SCML4: variants seen among roughly 807,000 people sequenced by gnomAD.
The protein encoded by SCML4 is sex comb on midleg-like protein 4.
SCML4 carries 34 observed loss-of-function variants against 41.1 expected under a neutral mutation model. The ratio of observed to expected loss-of-function variants is 0.83; its 90% CI spans 0.63 to 1.10. The LOEUF (loss-of-function observed/expected upper bound fraction) is 1.10, where lower values mean the gene tolerates loss of function less well. Ranked by LOEUF, SCML4 falls within the 50% of genes least tolerant of loss-of-function variation. The probability of loss-of-function intolerance (pLI) is 0.00; values close to 1 mark genes in which losing one functional copy is unlikely to be tolerated. For synonymous variants in SCML4, 214 were observed against 220.9 expected, an observed-to-expected ratio of 0.97 and a Z score of 0.28; for missense variants, 522 against 534.1, an observed-to-expected ratio of 0.98 and a Z score of 0.22.
rs894303671 is a variant in SCML4 at position 107,702,279 on chromosome 6, G to T, written c.*2921C>A. Among the ~76,000 whole-genome samples, 1 of 152,162 alleles carries T rather than the reference G, an allele frequency of 6.6e-6. No homozygotes were observed. The highest frequency in any genetic ancestry group is 1.5e-5 in the Non-Finnish European group (1 of 68,038). ...TAATGCAAAATGAGATAGCACCTCC[G>T]CGAGAGAAGTTCCACGTGAACATGG... On this transcript the variant is annotated 3_prime_UTR_variant, in exon 8 of 8. Transcript: ENST00000369020.
chr6:107,717,143 C>CAA (rs546258538), intron 6 of SCML4, among the ~76,000 whole-genome samples: 9 of 63,532 alleles, frequency 1.4e-4, no homozygotes, highest in African/African-American at 6.3e-4. Flanking sequence ...ACTAAAAATA[C>CAA]AAAAAAAAAA....
chr6:107,793,867 C>T (rs1782521019), intron 1 of SCML4, among the ~76,000 whole-genome samples: 1 of 152,026 alleles, frequency 6.6e-6, no homozygotes, highest in African/African-American at 2.4e-5. Context: ...ATTGCTTGAG[C>T]CTGGGAGGTT....
chr6:107,818,871 A>G (rs1023450133), intron 1 of SCML4, among the ~76,000 whole-genome samples: 6 of 152,204 alleles, frequency 3.9e-5, no homozygotes, highest in Non-Finnish European at 8.8e-5. Flanking sequence ...CAAGTGTTTC[A>G]TGGGCCTGGT....
chr6:107,782,491 CCG>C (rs1283936771), intron 1 of SCML4, among the ~76,000 whole-genome samples: 1 of 152,266 alleles, frequency 6.6e-6, no homozygotes, highest in African/African-American at 2.4e-5. Context: ...CAGGCCTTAC[CCG>C]GCACTGTGGA....
intron 2 of SCML4, among the ~76,000 whole-genome samples, chr6:107,769,237 G>C (rs1218046105): frequency 1.3e-5 from 2 of 152,250 alleles, no homozygotes; most frequent in Non-Finnish European, 2.9e-5. Context: ...GTCTGCCCCA[G>C]TCATGTGGCT....
At chr6:107,774,995 TA>T (rs796163173) in intron 1 of SCML4, among the ~76,000 whole-genome samples, 856 of 134,394 alleles carry the variant, frequency 6.4e-3, no homozygotes, top group Middle Eastern at 0.015. Context: ...AGACTCCATC[TA>T]AAAAAAAAAA....
chr6:107,826,238 C>G (rs190524238), upstream of SCML4, among the ~76,000 whole-genome samples: 105 of 142,604 alleles, frequency 7.4e-4, no homozygotes, highest in African/African-American at 2.7e-3. Context: ...GAGTGAAATT[C>G]CATCTCAAAA....
intron 1 of SCML4, among the ~76,000 whole-genome samples, chr6:107,777,992 A>T (rs1345093186): frequency 6.6e-6 from 1 of 151,712 alleles, no homozygotes; most frequent in African/African-American, 2.4e-5. Flanking sequence ...AGGCAGGTGG[A>T]TCACTTGAGG....
intron 2 of SCML4, among the ~76,000 whole-genome samples, chr6:107,762,331 T>C (rs998710603): frequency 6.6e-6 from 1 of 152,106 alleles, no homozygotes; most frequent in Non-Finnish European, 1.5e-5. Flanking sequence ...AAAAGGAATA[T>C]ATAGAATACA....
the SCML4 span, among the ~76,000 whole-genome samples, chr6:107,838,753 A>C: frequency 5.9e-5 from 9 of 152,212 alleles, no homozygotes; most frequent in African/African-American, 2.2e-4. Flanking sequence ...AATTTGTGAT[A>C]GATGCTTAGA....
intron 1 of SCML4, among the ~76,000 whole-genome samples, chr6:107,789,157 G>A (rs1046181901): frequency 6.6e-5 from 10 of 152,134 alleles, no homozygotes; most frequent in Admixed American, 6.5e-4. Context: ...GGTCAAAAGC[G>A]AATTCTTAAC....
In SCML4 at chr6:107,704,484, CCT is replaced by C. The variant is rs1156400128; in HGVS notation, c.*714_*715del. On this transcript the variant is annotated 3_prime_UTR_variant, in exon 8 of 8. Transcript: ENST00000369020. The stretch of plus-strand genomic sequence containing the variant: ...GTGGTGCTAACTGTGGAATAAATCC[CCT>C]GTTTCTGTGTGGGCTAGATCTTGTT... The C allele has an allele frequency of 3.3e-5, 5 of 152,358 alleles. No homozygotes were observed. The East Asian group carries it at 9.6e-4, about 29-fold the overall frequency. 9.4% of individuals were successfully genotyped at this position (152,358 alleles called of 1,614,324 possible).
the SCML4 span, among the ~76,000 whole-genome samples, chr6:107,839,712 A>AC: frequency 3.9e-5 from 6 of 152,150 alleles, no homozygotes; most frequent in Non-Finnish European, 8.8e-5. Flanking sequence ...TTGGTTCTCT[A>AC]CCCCTGAGAA....
intron 1 of SCML4, among the ~76,000 whole-genome samples, chr6:107,785,525 T>C (rs1391945962): frequency 1.3e-5 from 2 of 152,158 alleles, no homozygotes; most frequent in East Asian, 1.9e-4. Context: ...GAGTGGCCAA[T>C]GGCCTTGTAG....
intron 1 of SCML4, among the ~76,000 whole-genome samples, chr6:107,784,434 C>G (rs752668579): frequency 1.3e-5 from 2 of 152,120 alleles, no homozygotes; most frequent in Non-Finnish European, 2.9e-5. Context: ...GTATAGCATG[C>G]TATCATACAG....
At chr6:107,832,495 T>C in the SCML4 span, among the ~76,000 whole-genome samples, 1 of 152,164 alleles carries the variant, frequency 6.6e-6, no homozygotes, top group Non-Finnish European at 1.5e-5. Flanking sequence ...CTAGAACTTC[T>C]GGCTAACATC....
intron 1 of SCML4, among the ~76,000 whole-genome samples, chr6:107,810,930 C>G (rs986015036): frequency 6.6e-6 from 1 of 152,160 alleles, no homozygotes; most frequent in Non-Finnish European, 1.5e-5. Context: ...TGTGAACCCC[C>G]ACTCCCTGCC....
chr6:107,748,205 G>A (rs1778304875), intron 3 of SCML4, among the ~76,000 whole-genome samples: 1 of 152,100 alleles, frequency 6.6e-6, no homozygotes, highest in African/African-American at 2.4e-5. Flanking sequence ...GGAATAGTAG[G>A]TGTTATATTT....
At chr6:107,707,263 G>A (rs929954880) in intron 7 of SCML4, among the ~76,000 whole-genome samples, 4 of 152,124 alleles carry the variant, frequency 2.6e-5, no homozygotes, top group African/African-American at 9.7e-5. Context: ...GATTGAGATC[G>A]CACTACTGCA....
Sources: allele counts gnomAD v4.1 joint callset (sites outside exome capture counted in the v4.1 genomes callset), GRCh38; gene constraint gnomAD v4.1.1; transcripts MANE v1.5; gene names NCBI Gene and HGNC (gene_info 2026-07-23, HGNC 2026-07-21).